Variants in SNTG1 observed in about 807,000 individuals in gnomAD.
SNTG1 encodes the protein gamma-1-syntrophin.
SNTG1 carries 39 observed loss-of-function variants against 74.7 expected under a neutral mutation model. That is an observed-to-expected ratio of 0.52 (90% CI 0.40 to 0.68). SNTG1 has a LOEUF of 0.68. SNTG1 is among the 30% of genes least tolerant of loss of function. SNTG1 has a pLI of 0.00. For missense variants in SNTG1, 685 were observed against 609.5 expected, an observed-to-expected ratio of 1.12 and a Z score of -1.30; for synonymous variants, 254 against 217.1, an observed-to-expected ratio of 1.17 and a Z score of -1.49.
At chr8:50,607,278 T>C (rs1329774675) in intron 13 of SNTG1, among the ~76,000 whole-genome samples, 1 of 151,808 alleles carries the variant, frequency 6.6e-6, no homozygotes, top group African/African-American at 2.4e-5. Flanking sequence ...GAAGTTTGTG[T>C]AGGATGGGTT....
intron 2 of SNTG1, among the ~76,000 whole-genome samples, chr8:50,233,428 G>C (rs1268904317): frequency 6.6e-6 from 1 of 151,548 alleles, no homozygotes; most frequent in Admixed American, 6.6e-5. Flanking sequence ...CTTCAAAATG[G>C]AACATAAATT....
chr8:50,098,442 A>C (rs901301381), intron 1 of SNTG1, among the ~76,000 whole-genome samples: 5 of 152,176 alleles, frequency 3.3e-5, no homozygotes, highest in African/African-American at 7.2e-5. Context: ...ACCATCTAAC[A>C]ACTATTTACA....
intron 2 of SNTG1, among the ~76,000 whole-genome samples, chr8:50,250,302 A>G (rs1429553155): frequency 6.6e-6 from 1 of 151,986 alleles, no homozygotes; most frequent in East Asian, 1.9e-4. Context: ...ATGAAAAAGA[A>G]TAAAGAAAGC....
chr8:50,587,034 T>A (rs1458353446), intron 12 of SNTG1, among the ~76,000 whole-genome samples: 5 of 152,106 alleles, frequency 3.3e-5, no homozygotes, highest in African/African-American at 4.8e-5. Flanking sequence ...ATATGTCTAC[T>A]TATGTATGCA....
intron 1 of SNTG1, among the ~76,000 whole-genome samples, chr8:50,023,135 G>GGAA (rs1440995585): frequency 1.4e-4 from 22 of 152,276 alleles, no homozygotes; most frequent in African/African-American, 5.1e-4. Flanking sequence ...TTCAGGCTCT[G>GGAA]GAAGAACAGA....
At chr8:50,085,533 T>C (rs1308469102) in intron 1 of SNTG1, among the ~76,000 whole-genome samples, 1 of 152,230 alleles carries the variant, frequency 6.6e-6, no homozygotes, top group Non-Finnish European at 1.5e-5. Flanking sequence ...ATCCTCATAG[T>C]ATCATCAAGC....
intron 1 of SNTG1, among the ~76,000 whole-genome samples, chr8:50,053,091 G>T (rs532538770): frequency 6.6e-6 from 1 of 152,170 alleles, no homozygotes; most frequent in African/African-American, 2.4e-5. Flanking sequence ...ATTCACCCAA[G>T]ATAAATGAAC....
At chr8:50,577,838 A>C (rs1024487738) in intron 12 of SNTG1, among the ~76,000 whole-genome samples, 1 of 152,196 alleles carries the variant, frequency 6.6e-6, no homozygotes, top group African/African-American at 2.4e-5. Context: ...AGATGTTGAG[A>C]TTATACAAAG....
intron 2 of SNTG1, among the ~76,000 whole-genome samples, chr8:50,217,008 A>AAT (rs915358645): frequency 1.6e-4 from 24 of 151,290 alleles, no homozygotes; most frequent in African/African-American, 2.4e-4. Context: ...AAATTTATAA[A>AAT]ATATATATAT....
chr8:50,263,030 T>C (rs1383610358), intron 2 of SNTG1, among the ~76,000 whole-genome samples: 1 of 152,156 alleles, frequency 6.6e-6, no homozygotes, highest in Admixed American at 6.5e-5. Context: ...GTCTATTTTA[T>C]AATGGTGGAT....
chr8:50,124,436 T>A (rs2081080740), intron 1 of SNTG1, among the ~76,000 whole-genome samples: 1 of 142,588 alleles, frequency 7.0e-6, no homozygotes, highest in Non-Finnish European at 1.6e-5. Flanking sequence ...ATAGATGTAA[T>A]GAATCATTGT....
chr8:50,614,531 G>A (rs915886592), intron 13 of SNTG1, among the ~76,000 whole-genome samples: 14 of 151,974 alleles, frequency 9.2e-5, no homozygotes, highest in Admixed American at 2.0e-4. Flanking sequence ...ACAAATTGAC[G>A]TATAGTAGAA....
intron 2 of SNTG1, among the ~76,000 whole-genome samples, chr8:50,306,997 G>T (rs75841201): frequency 0.053 from 8,014 of 151,464 alleles, 238 homozygotes; most frequent in Middle Eastern, 0.12. Flanking sequence ...TTTTGTGTCT[G>T]GTCTCATTCT....
At chr8:50,280,679 T>A (rs2088390219) in intron 2 of SNTG1, among the ~76,000 whole-genome samples, 1 of 152,096 alleles carries the variant, frequency 6.6e-6, no homozygotes, top group Non-Finnish European at 1.5e-5. Context: ...TTGAAAGAGT[T>A]AAGTTATTAT....
At chr8:49,988,212 G>A (rs1159866282) in intron 1 of SNTG1, among the ~76,000 whole-genome samples, 2 of 152,108 alleles carry the variant, frequency 1.3e-5, no homozygotes, top group African/African-American at 4.8e-5. Context: ...TGGGCGTGCA[G>A]AGTTGTTACA....
chr8:50,137,183 ATGGAGTGTATTTGG>A (rs2081501906), intron 1 of SNTG1, among the ~76,000 whole-genome samples: 1 of 152,208 alleles, frequency 6.6e-6, no homozygotes, highest in South Asian at 2.1e-4. Context: ...AGTGTGAAAG[ATGGAGTGTATTTGG>A]TGAGATTTGA....
Position 50,357,079 on chromosome 8 carries a change from C to T in SNTG1, c.-27-37133C>T, listed in dbSNP as rs538491316. ...TTCTCTCCCTGGTTGGCCTTCCCTCCGTGGTTTGCCTGAGAAACTGCCCTT... is the reference window on the plus strand; with the variant it reads ...TTCTCTCCCTGGTTGGCCTTCCCTCTGTGGTTTGCCTGAGAAACTGCCCTT... On this transcript the variant is annotated intron_variant, in intron 2 of 18. Transcript: ENST00000642720. 2.2e-4 allele frequency among the ~76,000 whole-genome samples: 33 copies of T among 152,296 alleles called. No homozygotes were observed. In the East Asian group the frequency reaches 2.7e-3, roughly 12 times the overall value.
intron 13 of SNTG1, among the ~76,000 whole-genome samples, chr8:50,629,104 G>A (rs1387053660): frequency 6.6e-6 from 1 of 152,026 alleles, no homozygotes; most frequent in South Asian, 2.1e-4. Flanking sequence ...TGATCAAAGG[G>A]TATAAGCTTT....
chr8:50,016,245 C>A (rs1563476271), intron 1 of SNTG1, among the ~76,000 whole-genome samples: 1 of 152,084 alleles, frequency 6.6e-6, no homozygotes. Context: ...CACTTTTCAT[C>A]ACATGTCACA....
Sources: gnomAD v4.1 joint callset for allele counts (sites outside exome capture counted in the v4.1 genomes callset) on GRCh38, gnomAD v4.1.1 for gene constraint, MANE v1.5 for transcripts, NCBI Gene and HGNC (gene_info 2026-07-23, HGNC 2026-07-21) for gene names.